The following GDNF variants were observed in gnomAD, a reference collection of about 807,000 sequenced individuals.
GDNF encodes the protein glial cell derived neurotrophic factor.
Under a neutral mutation model 13.7 loss-of-function variants are expected in GDNF, and 5 were observed. The observed-to-expected ratio is 0.36, with a 90% CI of 0.19 to 0.77. The LOEUF (loss-of-function observed/expected upper bound fraction) is 0.77, where lower values mean the gene tolerates loss of function less well. Among genes scored for constraint, GDNF ranks in the 30% least tolerant of loss-of-function variants. The pLI is 0.51. For synonymous variants in GDNF, 122 were observed against 112.5 expected (o/e 1.08, Z -0.53); for missense variants, 246 against 274.3 (o/e 0.90, Z 0.73).
rs367722318 is a variant in GDNF at position 37,815,982 on chromosome 5, T to G, written c.305A>C (p.Asn102Thr). 29 of 1,613,928 alleles carry G rather than the reference T, an allele frequency of 1.8e-5. No individual in the cohort carries two copies. The highest frequency in any genetic ancestry group is 2.5e-5 in the Non-Finnish European group (29 of 1,179,910). The change falls in exon 3 of 3, where the codon AAT (asparagine) becomes ACT (threonine). Residue 102 changes from asparagine (N) to threonine (T), a missense_variant. Transcript: ENST00000326524. The surrounding 1 kb of genome is among the most constrained non-coding windows in gnomAD (Gnocchi z 5.0). ...NRQAAAANPE[N>T]SRGKGRRGQR... ...GCCTCTCCGACCTTTTCCTCTGGAA[T>G]TCTCTGGGTTGGCAGCTGCAGCCTG...
Position 37,837,091 on chromosome 5 carries a change from T to C in GDNF, c.-26-2269A>G, listed in dbSNP as rs902516737. On this transcript the variant is annotated intron_variant, in intron 1 of 2. Transcript: ENST00000326524. The surrounding 1 kb of genome is among the most constrained non-coding windows in gnomAD (Gnocchi z 6.5). ...GTCCGAGGGGCTCTTTCGTTCTCGG[T>C]ATTTGCTGGGCGGGGGAAAAGGGGG... Among the ~76,000 whole-genome samples the C allele has an allele frequency of 1.3e-5, 2 of 151,758 alleles. No homozygotes were observed. Among genetic ancestry groups the C allele is most frequent in the African/African-American group, 4.8e-5 (2 of 41,288 alleles).
chr5:37,819,259 G>A (rs1012182438), intron 2 of GDNF, among the ~76,000 whole-genome samples: 10 of 152,086 alleles, frequency 6.6e-5, no homozygotes, highest in Admixed American at 1.3e-4. Flanking sequence ...AAGCCACTCT[G>A]CCCTGAGTGG....
intron 2 of GDNF, among the ~76,000 whole-genome samples, chr5:37,820,339 A>G (rs1750089295): frequency 6.6e-6 from 1 of 152,260 alleles, no homozygotes. Flanking sequence ...AAGGATTTGA[A>G]TCAGCACTTA....
At chr5:37,822,083 G>A (rs1293774012) in intron 2 of GDNF, among the ~76,000 whole-genome samples, 2 of 152,192 alleles carry the variant, frequency 1.3e-5, no homozygotes, top group Non-Finnish European at 2.9e-5. Context: ...CTGTGGGCCT[G>A]AGAGGGAGAT....
chr5:37,830,605 T>C (rs564338674), intron 2 of GDNF, among the ~76,000 whole-genome samples: 2 of 152,164 alleles, frequency 1.3e-5, no homozygotes, highest in African/African-American at 4.8e-5. Context: ...CTGGCAGATG[T>C]CGTAGCGGAA....
chr5:37,836,198 AT>A (rs3841137), intron 1 of GDNF, among the ~76,000 whole-genome samples: 8,818 of 150,214 alleles, frequency 0.059, 837 homozygotes, highest in African/African-American at 0.2. Context: ...GAAAAACTCG[AT>A]TTTTTTTTTC....
rs3763044 is a variant in GDNF at position 37,812,821 on chromosome 5, G to C, written c.*2830C>G. 1 of 79,432 alleles carries C rather than the reference G, an allele frequency of 1.3e-5. No homozygotes were observed. Among genetic ancestry groups the C allele is most frequent in the Non-Finnish European group, 3.7e-5 (1 of 26,686 alleles). The allele number at this position is 79,432 out of a possible 1,614,324, so 4.9% of individuals were successfully genotyped here. On this transcript the variant is annotated 3_prime_UTR_variant, in exon 3 of 3. Transcript: ENST00000326524. The stretch of plus-strand genomic sequence containing the variant: ...CTTCCAAACAAGTGCACTCCTTACG[G>C]TATCAGATGGTGATCGCAATGATAA...
In GDNF at chr5:37,837,607, CG is replaced by C. The variant is rs946542981; in HGVS notation, c.-27+1899del. Among the ~76,000 whole-genome samples the C allele has an allele frequency of 6.6e-6, 1 of 152,214 alleles. No individual in the cohort carries two copies. Among genetic ancestry groups the C allele is most frequent in the East Asian group, 1.9e-4 (1 of 5,192 alleles). ...TGAGCCGTGTCGCGCCCACGCGGCCCGGAGGCTGTGTTATCATTTTAGTTAT... is the reference window on the plus strand; with the variant it reads ...TGAGCCGTGTCGCGCCCACGCGGCCCGAGGCTGTGTTATCATTTTAGTTAT... On this transcript the variant is annotated intron_variant, in intron 1 of 2. Transcript: ENST00000326524. This position sits in a 1 kb window ranked among gnomAD's most constrained non-coding sequence, Gnocchi z 6.5.
At chr5:37,835,817 G>T in intron 1 of GDNF, 1 of 694,074 alleles carries the variant, frequency 1.4e-6, no homozygotes, top group Non-Finnish European at 2.6e-6. Flanking sequence ...ACCCAGTCTC[G>T]GACGCTTTGG....
chr5:37,836,216 G>A (rs553073713), intron 1 of GDNF, among the ~76,000 whole-genome samples: 38 of 151,882 alleles, frequency 2.5e-4, no homozygotes, highest in Non-Finnish European at 3.5e-4. Flanking sequence ...TTTCCCATGC[G>A]GGAGGGAAAT....
chr5:37,815,632 G>C lies in GDNF; in HGVS notation c.*19C>G. The stretch of plus-strand genomic sequence containing the variant: ...CACTGTAGCAGGAATGCAATACACA[G>C]CAGTCTCTGGAGCCGGAGTCAGATA... On this transcript the variant is annotated 3_prime_UTR_variant, in exon 3 of 3. Transcript: ENST00000326524. The surrounding 1 kb of genome is among the most constrained non-coding windows in gnomAD (Gnocchi z 5.0). The C allele has an allele frequency of 6.2e-7, 1 of 1,610,198 alleles. No individual in the cohort carries two copies. Among genetic ancestry groups the C allele is most frequent in the Non-Finnish European group, 8.5e-7 (1 of 1,176,488 alleles).
intron 2 of GDNF, among the ~76,000 whole-genome samples, chr5:37,825,319 T>C (rs1486515168): frequency 2.0e-5 from 3 of 152,256 alleles, no homozygotes; most frequent in Non-Finnish European, 4.4e-5. Context: ...ATGTGGTCCA[T>C]GCTTTTATTA....
Position 37,819,420 on chromosome 5 carries a change from G to C in GDNF, c.152-3285C>G, listed in dbSNP as rs563056626. On this transcript the variant is annotated intron_variant, in intron 2 of 2. Coordinates refer to ENST00000326524, the MANE Select transcript of GDNF (RefSeq NM_000514.4). Reference sequence around the variant, plus strand: ...TGGTCCCTGAGTAATGCTTTCTTAAGGGGGCCCAGGGAAGTGCTCTTTTCT... The same window carrying C: ...TGGTCCCTGAGTAATGCTTTCTTAACGGGGCCCAGGGAAGTGCTCTTTTCT... 2.6e-5 allele frequency among the ~76,000 whole-genome samples: 4 copies of C among 151,532 alleles called. No individual in the cohort carries two copies. In the South Asian group the frequency reaches 6.3e-4, roughly 24 times the overall value.
At chr5:37,820,465 C>T (rs1349636371) in intron 2 of GDNF, among the ~76,000 whole-genome samples, 1 of 152,148 alleles carries the variant, frequency 6.6e-6, no homozygotes. Flanking sequence ...AGGTAAAATA[C>T]AGAAAGCCTG....
chr5:37,827,752 G>GATTAGTTTGATCATTTTCCATGAACTAA (rs1428542523), intron 2 of GDNF, among the ~76,000 whole-genome samples: 3 of 152,230 alleles, frequency 2.0e-5, no homozygotes, highest in Admixed American at 6.5e-5. Flanking sequence ...GATTTGGGCT[G>GATTAGTTTGATCATTTTCCATGAACTAA]ATTAGTTTGA....
At position 37,815,642 on chromosome 5, in the gene GDNF, G is replaced by C. The variant is rs1749890034; in HGVS notation, c.*9C>G. On this transcript the variant is annotated 3_prime_UTR_variant, in exon 3 of 3. Coordinates refer to ENST00000326524, the MANE Select transcript of GDNF (RefSeq NM_000514.4). The surrounding 1 kb of genome is among the most constrained non-coding windows in gnomAD (Gnocchi z 5.0). ...GGAATGCAATACACAGCAGTCTCTG[G>C]AGCCGGAGTCAGATACATCCACACC... The C allele has an allele frequency of 6.2e-7, 1 of 1,612,700 alleles. No homozygotes were observed. Among genetic ancestry groups the C allele is most frequent in the South Asian group, 1.1e-5 (1 of 91,046 alleles).
chr5:37,818,586 TC>T (rs1008125369), intron 2 of GDNF, among the ~76,000 whole-genome samples: 3 of 152,058 alleles, frequency 2.0e-5, no homozygotes, highest in African/African-American at 7.2e-5. Context: ...GCCCATAGCA[TC>T]CCCCATCCTA....
rs539818848 is a variant in GDNF at position 37,828,610 on chromosome 5, G to A, written c.151+6036C>T. On this transcript the variant is annotated intron_variant, in intron 2 of 2. Coordinates refer to ENST00000326524, the MANE Select transcript of GDNF (RefSeq NM_000514.4). ...GTAAAGTCAAGAAATATTGGCTTTC[G>A]GACCAACATGCTGAGGTTTAAATTC... 7.8e-4 allele frequency among the ~76,000 whole-genome samples: 119 copies of A among 152,176 alleles called. 1 individual carries two copies. The highest frequency in any genetic ancestry group is 2.3e-3 in the African/African-American group (94 of 41,504).
In GDNF at chr5:37,815,849, G is replaced by C; in HGVS notation, c.438C>G (p.Ser146Arg). The change falls in exon 3 of 3, where the codon AGC becomes AGG. Residue 146 changes from serine to arginine, a missense_variant. Coordinates refer to ENST00000326524, the MANE Select transcript of GDNF (RefSeq NM_000514.4). The surrounding 1 kb of genome is among the most constrained non-coding windows in gnomAD (Gnocchi z 5.0). Reference protein sequence around the residue: ...TKEELIFRYCSGSCDAAETTY... With the variant: ...TKEELIFRYCRGSCDAAETTY... ...TTGTCTCAGCTGCATCGCAAGAGCC[G>C]CTGCAGTACCTAAAAATCAGTTCCT... 6.2e-7 allele frequency: 1 copy of C among 1,613,950 alleles called. No individual in the cohort carries two copies. Among genetic ancestry groups the C allele is most frequent in the Non-Finnish European group, 8.5e-7 (1 of 1,179,896 alleles).
Sources: allele counts gnomAD v4.1 joint callset (sites outside exome capture counted in the v4.1 genomes callset), GRCh38; gene constraint gnomAD v4.1.1; non-coding constraint Gnocchi (gnomAD v3.1); transcripts MANE v1.5; gene names NCBI Gene and HGNC (gene_info 2026-07-23, HGNC 2026-07-21).